NPSR1: variants seen among roughly 807,000 people sequenced by gnomAD.
NPSR1 encodes the protein neuropeptide S receptor 1.
Under a neutral mutation model 46.9 loss-of-function variants are expected in NPSR1, and 48 were observed. The observed-to-expected ratio is 1.02, with a 90% confidence interval of 0.81 to 1.30. The LOEUF is 1.30. Ranked by LOEUF, NPSR1 falls within the 50% of genes most tolerant of loss-of-function variation. The pLI, the probability that NPSR1 is intolerant of heterozygous loss-of-function variation, is 0.00. For synonymous variants in NPSR1, 176 were observed against 168.1 expected, an observed-to-expected ratio of 1.05 and a Z score of -0.36; for missense variants, 450 against 449.5, an observed-to-expected ratio of 1.00 and a Z score of -0.01.
At chr7:34,707,161 G>A (rs1794153936) in intron 2 of NPSR1, among the ~76,000 whole-genome samples, 2 of 152,156 alleles carry the variant, frequency 1.3e-5, no homozygotes, top group Admixed American at 1.3e-4. Context: ...ATTTACCCTT[G>A]TTAAACCTTC....
At chr7:34,774,599 A>G (rs192607063) in intron 2 of NPSR1, among the ~76,000 whole-genome samples, 12 of 152,302 alleles carry the variant, frequency 7.9e-5, no homozygotes, top group Non-Finnish European at 1.8e-4. Context: ...ATAACTTTGT[A>G]CTGAAAATGG....
At chr7:34,841,818 C>A (rs1218397018) in intron 6 of NPSR1, among the ~76,000 whole-genome samples, 1 of 152,130 alleles carries the variant, frequency 6.6e-6, no homozygotes, top group East Asian at 1.9e-4. Flanking sequence ...TCTGAAAGAC[C>A]AACTTAGTCT....
chr7:34,849,126 T>A (rs1300823115), intron 8 of NPSR1, among the ~76,000 whole-genome samples: 1 of 152,264 alleles, frequency 6.6e-6, no homozygotes, highest in African/African-American at 2.4e-5. Flanking sequence ...TCTGCTGTTT[T>A]TCAGCTGTTT....
At chr7:34,743,263 G>A (rs372530769) in intron 2 of NPSR1, among the ~76,000 whole-genome samples, 1 of 152,138 alleles carries the variant, frequency 6.6e-6, no homozygotes, top group East Asian at 1.9e-4. Flanking sequence ...GTTGTCTTCC[G>A]GGTTTTTACA....
intron 2 of NPSR1, among the ~76,000 whole-genome samples, chr7:34,730,863 C>T (rs1784386536): frequency 6.6e-6 from 1 of 151,618 alleles, no homozygotes; most frequent in Non-Finnish European, 1.5e-5. Context: ...TTTTCAGTAC[C>T]AAAAAAAAGT....
At chr7:34,728,838 G>GA (rs1310453894) in intron 2 of NPSR1, 3 of 152,666 alleles carry the variant, frequency 2.0e-5, no homozygotes, top group Non-Finnish European at 4.4e-5. Flanking sequence ...AACAAAGAGA[G>GA]AAGATTAAAT....
intron 7 of NPSR1, among the ~76,000 whole-genome samples, chr7:34,846,126 G>T (rs1790734205): frequency 6.6e-6 from 1 of 152,196 alleles, no homozygotes; most frequent in Non-Finnish European, 1.5e-5. Flanking sequence ...TTTCTGAGAG[G>T]CTTCTGAAGT....
chr7:34,695,953 T>C (rs1461678039), intron 2 of NPSR1, among the ~76,000 whole-genome samples: 1 of 151,912 alleles, frequency 6.6e-6, no homozygotes, highest in Non-Finnish European at 1.5e-5. Context: ...CACTACTGAG[T>C]ATCTACCCAA....
At chr7:34,807,774 C>T (rs928811399) in intron 3 of NPSR1, among the ~76,000 whole-genome samples, 8 of 151,966 alleles carry the variant, frequency 5.3e-5, no homozygotes, top group Non-Finnish European at 1.0e-4. Context: ...AATTTCAGTT[C>T]CTTATTTTAG....
At chr7:34,875,255 T>TA (rs1294788459) in intron 8 of NPSR1, among the ~76,000 whole-genome samples, 15 of 152,178 alleles carry the variant, frequency 9.9e-5, no homozygotes, top group African/African-American at 2.9e-4. Flanking sequence ...CCTTTGCTAG[T>TA]AAAAAACAGG....
At chr7:34,707,013 T>C (rs1562666647) in intron 2 of NPSR1, among the ~76,000 whole-genome samples, 1 of 152,092 alleles carries the variant, frequency 6.6e-6, no homozygotes. Context: ...AAAAATGGCA[T>C]TGTCCTATCG....
At chr7:34,877,309 C>T (rs1380858794) in intron 8 of NPSR1, among the ~76,000 whole-genome samples, 2 of 152,122 alleles carry the variant, frequency 1.3e-5, no homozygotes, top group Non-Finnish European at 2.9e-5. Flanking sequence ...AAATGGTGGC[C>T]CTTAGGGCCC....
chr7:34,869,505 C>T (rs898623703), intron 8 of NPSR1, among the ~76,000 whole-genome samples: 14 of 151,706 alleles, frequency 9.2e-5, no homozygotes, highest in African/African-American at 3.4e-4. Context: ...CTGTACTCCT[C>T]CACTTCCCCA....
intron 2 of NPSR1, chr7:34,768,525 A>G (rs1245172634): frequency 6.6e-6 from 1 of 152,198 alleles, no homozygotes; most frequent in Non-Finnish European, 1.5e-5. Context: ...TGACTACTTG[A>G]AGAAAAATTG....
At chr7:34,848,447 A>G in intron 7 of NPSR1, 36 bp from the exon 8 acceptor site, 2 of 1,600,416 alleles carry the variant, frequency 1.2e-6, no homozygotes, top group Non-Finnish European at 1.7e-6. Context: ...CTCAACTGCT[A>G]CCTGCTGTGA....
chr7:34,705,434 CA>C (rs67782714), intron 2 of NPSR1, among the ~76,000 whole-genome samples: 2,815 of 111,530 alleles, frequency 0.025, 26 homozygotes, highest in Middle Eastern at 0.059. Flanking sequence ...GACTCCATAT[CA>C]AAAAAAAAAA....
chr7:34,696,681 C>CA (rs1793546896), intron 2 of NPSR1, among the ~76,000 whole-genome samples: 1 of 151,558 alleles, frequency 6.6e-6, no homozygotes, highest in East Asian at 1.9e-4. Flanking sequence ...AAAGAAAGGA[C>CA]AAAAAATACA....
At chr7:34,790,897 T>TTATATTATATATAA (rs1249581906) in intron 3 of NPSR1, among the ~76,000 whole-genome samples, 7 of 129,470 alleles carry the variant, frequency 5.4e-5, no homozygotes, top group African/African-American at 2.2e-4. Flanking sequence ...ATCATATATG[T>TTATATTATATATAA]TATATGTTAT....
intron 3 of NPSR1, among the ~76,000 whole-genome samples, chr7:34,787,502 T>C (rs538916818): frequency 6.6e-6 from 1 of 152,274 alleles, no homozygotes; most frequent in Non-Finnish European, 1.5e-5. Context: ...TTCAAGAAAG[T>C]TTCCCTTACA....
Sources: gnomAD v4.1 joint callset for allele counts (sites outside exome capture counted in the v4.1 genomes callset) on GRCh38, gnomAD v4.1.1 for gene constraint, MANE v1.5 for transcripts, NCBI Gene and HGNC (gene_info 2026-07-23, HGNC 2026-07-21) for gene names.